Variants in GAB4 observed in about 807,000 individuals in gnomAD.
GAB4 encodes the protein GRB2 associated binding protein family member 4.
Under a neutral mutation model 51.3 loss-of-function variants are expected in GAB4, and 26 were observed. The ratio of observed to expected loss-of-function variants is 0.51; its 90% CI spans 0.37 to 0.70. GAB4 has a LOEUF of 0.70. Among genes scored for constraint, GAB4 ranks in the 30% least tolerant of loss-of-function variants. GAB4 has a pLI of 0.00. For missense variants in GAB4, 759 were observed against 734.6 expected (o/e 1.03, Z -0.38); for synonymous variants, 329 against 291.2 (o/e 1.13, Z -1.32).
At position 17,007,921 on chromosome 22, in the gene GAB4, G is replaced by GC; in HGVS notation, c.174+19dup. 6.9e-7 allele frequency: 1 copy of GC among 1,452,166 alleles called. No individual in the cohort carries two copies. Among genetic ancestry groups the GC allele is most frequent in the Non-Finnish European group, 9.0e-7 (1 of 1,106,532 alleles). 90.0% of individuals were successfully genotyped at this position (1,452,166 alleles called of 1,614,324 possible). On this transcript the variant is annotated intron_variant, in intron 1 of 9. Coordinates refer to ENST00000400588, the MANE Select transcript of GAB4 (RefSeq NM_001037814.1). ...GACCCTCCGTGGCGCTCCTGGTACCGCCCCCACTGCCCCACTCACAAAGAG... is the reference window on the plus strand; with the variant it reads ...GACCCTCCGTGGCGCTCCTGGTACCGCCCCCCACTGCCCCACTCACAAAGAG...
At chr22:16,977,080 G>T (rs1311866004) in intron 3 of GAB4, among the ~76,000 whole-genome samples, 1 of 152,128 alleles carries the variant, frequency 6.6e-6, no homozygotes, top group Non-Finnish European at 1.5e-5. Context: ...CCAAAATGTA[G>T]AGACCATCAA....
At chr22:16,973,672 T>C (rs1275470992) in intron 3 of GAB4, among the ~76,000 whole-genome samples, 1 of 152,200 alleles carries the variant, frequency 6.6e-6, no homozygotes, top group Non-Finnish European at 1.5e-5. Context: ...CTCCCTCTCA[T>C]CTTAAGCATA....
intron 1 of GAB4, among the ~76,000 whole-genome samples, chr22:17,007,613 G>A (rs112921763): frequency 3.3e-5 from 5 of 152,080 alleles, no homozygotes; most frequent in African/African-American, 1.2e-4. Context: ...TGGGAGGGAA[G>A]GGGAGCGGGT....
intron 5 of GAB4, chr22:16,967,120 A>G (rs1018580840): frequency 6.6e-5 from 10 of 152,200 alleles, no homozygotes; most frequent in African/African-American, 2.4e-4. Flanking sequence ...TTTGTGACAA[A>G]TCTATGGGAT....
chr22:16,971,856 G>C (rs545172440), intron 3 of GAB4, among the ~76,000 whole-genome samples: 1 of 151,554 alleles, frequency 6.6e-6, no homozygotes, highest in South Asian at 2.1e-4. Flanking sequence ...TGCCAACATG[G>C]GCCACCGAGC....
chr22:16,985,761 C>G (rs2060862075), intron 3 of GAB4, among the ~76,000 whole-genome samples: 1 of 152,240 alleles, frequency 6.6e-6, no homozygotes, highest in Non-Finnish European at 1.5e-5. Flanking sequence ...TGTTCCTAAG[C>G]TTTAGACAGT....
intron 1 of GAB4, among the ~76,000 whole-genome samples, chr22:17,005,727 T>G (rs1371229344): frequency 6.6e-6 from 1 of 152,152 alleles, no homozygotes; most frequent in Non-Finnish European, 1.5e-5. Flanking sequence ...TTGACAAACC[T>G]GACAAAAACT....
In GAB4 at chr22:16,987,947, A is replaced by T; in HGVS notation, c.686+13T>A. ...GGGGGTCACTGCCCCCACTGGCCAT[A>T]GTAGCCCCCTACCTTGCATGTTCTG... On this transcript the variant is annotated intron_variant, in intron 3 of 9. Coordinates refer to ENST00000400588, the MANE Select transcript of GAB4 (RefSeq NM_001037814.1). 3.2e-6 allele frequency: 5 copies of T among 1,583,216 alleles called. No individual in the cohort carries two copies. The highest frequency in any genetic ancestry group is 4.3e-6 in the Non-Finnish European group (5 of 1,165,336).
intron 3 of GAB4, among the ~76,000 whole-genome samples, chr22:16,976,743 G>C (rs2060782074): frequency 1.3e-5 from 2 of 152,062 alleles, no homozygotes; most frequent in African/African-American, 4.8e-5. Flanking sequence ...GTGAAATGAA[G>C]GAAAAAATGC....
intron 1 of GAB4, among the ~76,000 whole-genome samples, chr22:16,999,220 A>G (rs1477126454): frequency 6.6e-6 from 1 of 152,230 alleles, no homozygotes; most frequent in Non-Finnish European, 1.5e-5. Context: ...GAATGGTACC[A>G]GCTCCTCTTG....
chr22:17,005,881 TAA>T (rs981292922), intron 1 of GAB4, among the ~76,000 whole-genome samples: 1 of 152,164 alleles, frequency 6.6e-6, no homozygotes, highest in African/African-American at 2.4e-5. Context: ...CAAGATGGAT[TAA>T]AGACTTAAAC....
chr22:16,967,792 C>G (rs2060692626), intron 5 of GAB4, among the ~76,000 whole-genome samples: 1 of 152,194 alleles, frequency 6.6e-6, no homozygotes, highest in Non-Finnish European at 1.5e-5. Flanking sequence ...CTGTGGTTAC[C>G]CTTTCCAGGT....
chr22:16,971,402 C>A (rs139232015), intron 3 of GAB4, among the ~76,000 whole-genome samples: 2 of 152,276 alleles, frequency 1.3e-5, no homozygotes, highest in South Asian at 4.1e-4. Flanking sequence ...CTACAGCCTT[C>A]GGCTTTATGA....
intron 1 of GAB4, among the ~76,000 whole-genome samples, chr22:17,007,193 T>C (rs1601297438): frequency 6.6e-6 from 1 of 152,222 alleles, no homozygotes; most frequent in South Asian, 2.1e-4. Context: ...GGTATAATCA[T>C]AGTGACTCCT....
chr22:17,004,858 T>A (rs2061027690), intron 1 of GAB4, among the ~76,000 whole-genome samples: 1 of 152,074 alleles, frequency 6.6e-6, no homozygotes, highest in African/African-American at 2.4e-5. Context: ...TATCTCAAAA[T>A]AATACGTTAT....
chr22:17,005,637 G>T (rs191148382), intron 1 of GAB4, among the ~76,000 whole-genome samples: 2 of 152,272 alleles, frequency 1.3e-5, no homozygotes, highest in East Asian at 3.9e-4. Context: ...CATGTTACTG[G>T]TACCAAGACA....
At chr22:16,996,115 T>C (rs1424109577) in intron 1 of GAB4, among the ~76,000 whole-genome samples, 1 of 151,706 alleles carries the variant, frequency 6.6e-6, no homozygotes, top group Non-Finnish European at 1.5e-5. Flanking sequence ...AGAACATAAA[T>C]GACTTCATGA....
At position 17,008,025 on chromosome 22, in the gene GAB4, G is replaced by GGGGCCACTT. The variant is rs1568888723; in HGVS notation, c.81_89dup (p.Ser28_Pro30dup). 6.2e-7 allele frequency: 1 copy of GGGGCCACTT among 1,610,312 alleles called. No homozygotes were observed. Among genetic ancestry groups the GGGGCCACTT allele is most frequent in the Admixed American group, 1.7e-5 (1 of 59,480 alleles). ...GGCCACTTCTCGTGCTTCCGCCGGCGGGGCCACTTCCGGGCCACGAAGACA... is the reference window on the plus strand; with the variant it reads ...GGCCACTTCTCGTGCTTCCGCCGGCGGGGCCACTTGGGCCACTTCCGGGCCACGAAGACA... On this transcript the variant is annotated inframe_insertion, in exon 1 of 10. Coordinates refer to ENST00000400588, the MANE Select transcript of GAB4 (RefSeq NM_001037814.1).
In GAB4 at chr22:16,988,096, G is replaced by A. The variant is rs1480666674; in HGVS notation, c.550C>T (p.Gln184Ter). The change falls in exon 3 of 10, where the codon CAG (glutamine) becomes TAG (stop). Residue 184 changes from glutamine to a stop codon, truncating the protein, a stop_gained. Coordinates refer to ENST00000400588, the MANE Select transcript of GAB4 (RefSeq NM_001037814.1). LOFTEE classifies it high-confidence loss of function. ...GGTTCTTGTTCTTGGGGGAGGTGCT[G>A]ATGGGAGCAGCTGGGCTCAGCTGGA... ...SSPAEPSCSH[Q>*]HLPQEQEPTS... The A allele has an allele frequency of 6.2e-7, 1 of 1,610,774 alleles. No homozygotes were observed. Among genetic ancestry groups the A allele is most frequent in the South Asian group, 1.1e-5 (1 of 90,434 alleles).
Sources: gnomAD v4.1 joint callset for allele counts (sites outside exome capture counted in the v4.1 genomes callset) on GRCh38, gnomAD v4.1.1 for gene constraint, MANE v1.5 for transcripts, NCBI Gene and HGNC (gene_info 2026-07-23, HGNC 2026-07-21) for gene names.